Variants in ARID1B observed in about 807,000 individuals in gnomAD.
ARID1B encodes the protein AT-rich interaction domain 1B, also known as AT-rich interactive domain-containing protein 1B.
In ARID1B, 30 loss-of-function variants were observed where a neutral mutation model predicts 212.3. The observed-to-expected ratio is 0.14, with a 90% confidence interval of 0.11 to 0.19. The LOEUF (loss-of-function observed/expected upper bound fraction) is 0.19. ARID1B is among the 10% of genes least tolerant of loss of function. ARID1B has a pLI of 1.00. For synonymous variants in ARID1B, 1,402 were observed against 1,301.7 expected (o/e 1.08, Z -1.66); for missense variants, 2,891 against 3,204.0 (o/e 0.90, Z 2.36).
chr6:156,856,694 T>TCC (rs1784959946), intron 2 of ARID1B, among the ~76,000 whole-genome samples: 1 of 83,306 alleles, frequency 1.2e-5, no homozygotes, highest in Non-Finnish European at 2.5e-5. Context: ...TCTCTCTCTC[T>TCC]CTCTCTCACA....
chr6:157,158,933 C>A (rs545503803), intron 8 of ARID1B, among the ~76,000 whole-genome samples: 125 of 152,320 alleles, frequency 8.2e-4, no homozygotes, highest in African/African-American at 2.9e-3. Context: ...ATGTTTCTTT[C>A]ATGCTGTATG....
At chr6:156,900,280 A>AT (rs926372890) in intron 2 of ARID1B, among the ~76,000 whole-genome samples, 1 of 152,004 alleles carries the variant, frequency 6.6e-6, no homozygotes, top group Non-Finnish European at 1.5e-5. Context: ...TAACTTTTTC[A>AT]TTTTTTCCCC....
At chr6:156,780,217 A>G (rs1779151340) in intron 1 of ARID1B, 1 of 152,268 alleles carries the variant, frequency 6.6e-6, no homozygotes, top group South Asian at 2.1e-4. Context: ...CACCTTCAAC[A>G]GGCAGGCTAT....
chr6:156,990,397 C>G (rs1778201502), intron 4 of ARID1B, among the ~76,000 whole-genome samples: 1 of 152,150 alleles, frequency 6.6e-6, no homozygotes, highest in African/African-American at 2.4e-5. Flanking sequence ...AATCCCAGCA[C>G]TTTGGGAGGC....
intron 7 of ARID1B, among the ~76,000 whole-genome samples, chr6:157,147,108 A>G (rs532929137): frequency 3.2e-4 from 49 of 152,178 alleles, no homozygotes; most frequent in Non-Finnish European, 5.4e-4. Flanking sequence ...TGATTGAAGT[A>G]GTATCATGTG....
At chr6:156,845,038 G>A (rs965013705) in intron 2 of ARID1B, among the ~76,000 whole-genome samples, 8 of 151,554 alleles carry the variant, frequency 5.3e-5, no homozygotes, top group Non-Finnish European at 7.4e-5. Context: ...TAGCCTTCCC[G>A]TGTCTGGGGA....
At chr6:157,021,013 G>C (rs888137047) in intron 4 of ARID1B, among the ~76,000 whole-genome samples, 2 of 152,182 alleles carry the variant, frequency 1.3e-5, no homozygotes, top group Non-Finnish European at 1.5e-5. Flanking sequence ...CCTGAACAGC[G>C]GCCCGGAATC....
chr6:156,944,965 CAGGCTGGAGTGT>C (rs945598134), intron 4 of ARID1B, among the ~76,000 whole-genome samples: 15 of 150,186 alleles, frequency 1.0e-4, no homozygotes, highest in Non-Finnish European at 1.9e-4. Flanking sequence ...CTGTGTCGCC[CAGGCTGGAGTGT>C]AGTGGCTCGA....
intron 3 of ARID1B, among the ~76,000 whole-genome samples, chr6:156,914,812 C>T (rs1790215434): frequency 6.6e-6 from 1 of 152,176 alleles, no homozygotes; most frequent in Admixed American, 6.5e-5. Context: ...TCTATATTTT[C>T]CCCCATCCCA....
intron 4 of ARID1B, among the ~76,000 whole-genome samples, chr6:157,016,584 C>T (rs1562551431): frequency 6.6e-6 from 1 of 152,138 alleles, no homozygotes; most frequent in Non-Finnish European, 1.5e-5. Flanking sequence ...CGAAGATGTG[C>T]CAGTTATGGG....
intron 3 of ARID1B, among the ~76,000 whole-genome samples, chr6:156,920,781 G>C (rs1335639920): frequency 6.6e-6 from 1 of 152,138 alleles, no homozygotes; most frequent in Non-Finnish European, 1.5e-5. Context: ...ATGGTGTCAG[G>C]AAGTCGGGCA....
At chr6:157,142,541 G>A (rs760780215) in intron 7 of ARID1B, among the ~76,000 whole-genome samples, 4 of 152,056 alleles carry the variant, frequency 2.6e-5, no homozygotes, top group East Asian at 1.9e-4. Context: ...TGGGAGGATC[G>A]CTTAAACTCA....
At chr6:157,116,556 A>G (rs541632008) in intron 6 of ARID1B, among the ~76,000 whole-genome samples, 11 of 150,608 alleles carry the variant, frequency 7.3e-5, no homozygotes, top group African/African-American at 2.7e-4. Context: ...TGAGGATTTA[A>G]TTAGTCCTTG....
intron 3 of ARID1B, among the ~76,000 whole-genome samples, chr6:156,928,655 G>A (rs1174803341): frequency 6.6e-6 from 1 of 152,196 alleles, no homozygotes; most frequent in African/African-American, 2.4e-5. Context: ...AGGACAGGGA[G>A]AAAGAGAAGA....
At chr6:156,903,825 C>G (rs943515967) in intron 3 of ARID1B, among the ~76,000 whole-genome samples, 6 of 152,058 alleles carry the variant, frequency 3.9e-5, no homozygotes, top group African/African-American at 1.4e-4. Flanking sequence ...CTTTTGTTTT[C>G]AAATGTGGTT....
intron 4 of ARID1B, among the ~76,000 whole-genome samples, chr6:157,065,260 A>C (rs905801391): frequency 6.6e-6 from 1 of 152,240 alleles, no homozygotes. Flanking sequence ...CAAATGTGAT[A>C]CTACTGAAGA....
chr6:156,882,093 A>G (rs1282530930), intron 2 of ARID1B, among the ~76,000 whole-genome samples: 5 of 152,124 alleles, frequency 3.3e-5, no homozygotes, highest in Non-Finnish European at 7.3e-5. Flanking sequence ...TCCTGTCCTG[A>G]ATGATTCCTC....
intron 11 of ARID1B, among the ~76,000 whole-genome samples, chr6:157,180,480 C>T (rs1433984317): frequency 2.0e-5 from 3 of 152,120 alleles, no homozygotes; most frequent in Non-Finnish European, 4.4e-5. Context: ...TGTGGTTGCT[C>T]ATCCTCCAGA....
Position 157,138,126 on chromosome 6 carries a change from G to T in ARID1B, c.2761+4919G>T, listed in dbSNP as rs548100163. On this transcript the variant is annotated intron_variant, in intron 7 of 19. Transcript: ENST00000636930. ...GTTGTGGGGCCCCTGGCTACTTGTG[G>T]GTACCTTGTAGGCCCTGCAGTCACT... Among the ~76,000 whole-genome samples, 124 of 152,242 alleles carry T rather than the reference G, an allele frequency of 8.1e-4. 1 individual carries two copies. Among genetic ancestry groups the T allele is most frequent in the African/African-American group, 2.8e-3 (116 of 41,538 alleles).
Sources: gnomAD v4.1 joint callset for allele counts (sites outside exome capture counted in the v4.1 genomes callset) on GRCh38, gnomAD v4.1.1 for gene constraint, MANE v1.5 for transcripts, NCBI Gene and HGNC (gene_info 2026-07-23, HGNC 2026-07-21) for gene names.